Variants in PRLR observed in about 807,000 individuals in gnomAD.
PRLR encodes the protein hPRL receptor.
Under a neutral mutation model 40.2 loss-of-function variants are expected in PRLR, and 13 were observed. The observed-to-expected ratio is 0.32, with a 90% CI of 0.21 to 0.51. The LOEUF (loss-of-function observed/expected upper bound fraction) is 0.51, where lower values mean the gene tolerates loss of function less well. Among genes scored for constraint, PRLR ranks in the 20% least tolerant of loss-of-function variants. The pLI is 0.97. For synonymous variants in PRLR, 269 were observed against 278.7 expected, an observed-to-expected ratio of 0.97 and a Z score of 0.35; for missense variants, 656 against 747.3, an observed-to-expected ratio of 0.88 and a Z score of 1.42.
rs113186610 is a variant in PRLR at position 35,089,291 on chromosome 5, G to A, written c.70+260C>T. Among the ~76,000 whole-genome samples, 1,366 of 152,306 alleles carry A rather than the reference G, an allele frequency of 9.0e-3. 15 individuals carry two copies. The highest frequency in any genetic ancestry group is 0.031 in the African/African-American group (1,306 of 41,562). Reference sequence around the variant, plus strand: ...TGGCAGGACCTGGATTAGAACTCAGGTCCTGTCTTCTTCAGAGCTGTTTCA... The same window carrying A: ...TGGCAGGACCTGGATTAGAACTCAGATCCTGTCTTCTTCAGAGCTGTTTCA... On this transcript the variant is annotated intron_variant, in intron 3 of 9. Coordinates refer to ENST00000618457, the MANE Select transcript of PRLR (RefSeq NM_000949.7).
At chr5:35,071,970 AC>A (rs530940128) in intron 6 of PRLR, among the ~76,000 whole-genome samples, 30 of 150,642 alleles carry the variant, frequency 2.0e-4, no homozygotes, top group Non-Finnish European at 3.8e-4. Context: ...ATTTCAGCTC[AC>A]TGAAACCTCC....
In PRLR at chr5:35,111,927, G is replaced by A. The variant is rs184370496; in HGVS notation, c.-44+6134C>T. 6.6e-5 allele frequency among the ~76,000 whole-genome samples: 10 copies of A among 152,240 alleles called. No homozygotes were observed. In the East Asian group the frequency reaches 1.5e-3, roughly 24 times the overall value. ...ATAAAAAGCTATTACTATCGTAATC[G>A]AGGAGGAAAATCCCAACAAAAAATT... On this transcript the variant is annotated intron_variant, in intron 2 of 9. Coordinates refer to ENST00000618457, the MANE Select transcript of PRLR (RefSeq NM_000949.7).
At chr5:35,194,511 C>T (rs549795659) in intron 1 of PRLR, among the ~76,000 whole-genome samples, 47 of 152,300 alleles carry the variant, frequency 3.1e-4, no homozygotes, top group African/African-American at 1.1e-3. Context: ...TTGCTTCTGC[C>T]TTCTATCTTG....
intron 5 of PRLR, among the ~76,000 whole-genome samples, chr5:35,073,000 TCA>T (rs938255353): frequency 2.0e-4 from 31 of 152,302 alleles, no homozygotes; most frequent in African/African-American, 7.5e-4. Context: ...TCGCTTTTCA[TCA>T]GTTAGAATCT....
chr5:35,122,567 C>CT (rs1294200921), intron 1 of PRLR, among the ~76,000 whole-genome samples: 3 of 152,064 alleles, frequency 2.0e-5, no homozygotes, highest in Non-Finnish European at 4.4e-5. Flanking sequence ...GTCTTTTGTC[C>CT]TGACAAATTG....
In PRLR at chr5:35,060,765, T is replaced by G. The variant is rs1294759273; in HGVS notation, c.*4324A>C. On this transcript the variant is annotated 3_prime_UTR_variant, in exon 10 of 10. Coordinates refer to ENST00000618457, the MANE Select transcript of PRLR (RefSeq NM_000949.7). Reference sequence around the variant, plus strand: ...GTCAATGGCACATCTACGTTAGCAATGCTTGGGATGGTAATTCAAAGTCAT... The same window carrying G: ...GTCAATGGCACATCTACGTTAGCAAGGCTTGGGATGGTAATTCAAAGTCAT... 6.6e-6 allele frequency: 1 copy of G among 152,228 alleles called. No individual in the cohort carries two copies. The allele number at this position is 152,228 out of a possible 1,614,324, so 9.4% of individuals were successfully genotyped here. A position where few individuals can be genotyped will look rare whatever the true frequency, so the allele number is the denominator to read the frequency against.
At chr5:35,053,508 C>T (rs896512444), downstream of PRLR, among the ~76,000 whole-genome samples, 1 of 152,152 alleles carries the variant, frequency 6.6e-6, no homozygotes, top group Non-Finnish European at 1.5e-5. Context: ...CCAAAATTAG[C>T]TGGGTGTGGT....
At chr5:35,159,089 T>A (rs79364704) in intron 1 of PRLR, among the ~76,000 whole-genome samples, 1 of 151,764 alleles carries the variant, frequency 6.6e-6, no homozygotes, top group South Asian at 2.1e-4. Flanking sequence ...AGTGATTGAG[T>A]GGGGTGTCAT....
At chr5:35,084,391 A>G in intron 5 of PRLR, 79 bp downstream of exon 5, 1 of 1,374,618 alleles carries the variant, frequency 7.3e-7, no homozygotes, top group Non-Finnish European at 9.7e-7. Flanking sequence ...CCAAAACCCA[A>G]GAAGACTCAA....
intron 1 of PRLR, among the ~76,000 whole-genome samples, chr5:35,209,715 A>G (rs1579805337): frequency 1.3e-5 from 2 of 152,340 alleles, no homozygotes; most frequent in East Asian, 3.9e-4. Context: ...CACAATATTC[A>G]TTTCCACGAT....
chr5:35,196,026 G>A lies in PRLR; in HGVS notation c.-106+34242C>T, dbSNP rs190084023. Among the ~76,000 whole-genome samples, 345 of 148,742 alleles carry A rather than the reference G, an allele frequency of 2.3e-3. 4 individuals are homozygous for A. Among genetic ancestry groups the A allele is most frequent in the East Asian group, 0.015 (76 of 5,080 alleles). On this transcript the variant is annotated intron_variant, in intron 1 of 9. Transcript: ENST00000618457. ...AGTCCATCAACTCTTATGAAATATC[G>A]GCTCTCCCTAAATAAAATAAAATAA...
chr5:35,198,476 C>T (rs1217913893), intron 1 of PRLR, among the ~76,000 whole-genome samples: 1 of 152,206 alleles, frequency 6.6e-6, no homozygotes, highest in Non-Finnish European at 1.5e-5. Flanking sequence ...CTGTTTATTT[C>T]ATTGACTGGA....
intron 2 of PRLR, among the ~76,000 whole-genome samples, chr5:35,109,303 A>G (rs1004098351): frequency 1.1e-4 from 16 of 152,224 alleles, no homozygotes; most frequent in Non-Finnish European, 1.6e-4. Context: ...GGATATAGGC[A>G]TGGGCAAGGA....
At chr5:35,120,942 A>C (rs866360622) in intron 1 of PRLR, among the ~76,000 whole-genome samples, 2 of 152,254 alleles carry the variant, frequency 1.3e-5, no homozygotes, top group South Asian at 2.1e-4. Flanking sequence ...CAACATGTAC[A>C]TGAATAAGCT....
chr5:35,131,209 A>G (rs1773658298), intron 1 of PRLR, among the ~76,000 whole-genome samples: 1 of 152,214 alleles, frequency 6.6e-6, no homozygotes, highest in African/African-American at 2.4e-5. Context: ...AGTATTTTTA[A>G]TCAGTGAAAA....
chr5:35,167,924 G>A (rs1345185054), intron 1 of PRLR, among the ~76,000 whole-genome samples: 1 of 151,918 alleles, frequency 6.6e-6, no homozygotes, highest in African/African-American at 2.4e-5. Flanking sequence ...TACTAAGATG[G>A]TAGGTTTAAA....
At chr5:35,087,485 A>C (rs1315061910) in intron 3 of PRLR, among the ~76,000 whole-genome samples, 1 of 149,784 alleles carries the variant, frequency 6.7e-6, no homozygotes, top group Non-Finnish European at 1.5e-5. Context: ...CTTCCTTTGG[A>C]TACGTAGGGC....
intron 1 of PRLR, among the ~76,000 whole-genome samples, chr5:35,165,623 T>G (rs909323689): frequency 1.3e-5 from 2 of 152,214 alleles, no homozygotes; most frequent in African/African-American, 4.8e-5. Context: ...ACCATTGGCC[T>G]TTGGAATCTA....
chr5:35,215,924 G>C (rs1452640044), intron 1 of PRLR, among the ~76,000 whole-genome samples: 1 of 149,998 alleles, frequency 6.7e-6, no homozygotes, highest in African/African-American at 2.5e-5. Context: ...ATCTGTTCCA[G>C]CTACTCAGGA....
Sources: allele counts gnomAD v4.1 joint callset (sites outside exome capture counted in the v4.1 genomes callset), GRCh38; gene constraint gnomAD v4.1.1; transcripts MANE v1.5; gene names NCBI Gene and HGNC (gene_info 2026-07-23, HGNC 2026-07-21).